The following OR5H1 variants were observed in gnomAD, a reference collection of about 807,000 sequenced individuals.
OR5H1 encodes the protein olfactory receptor 5H1.
For synonymous variants in OR5H1, 124 were observed against 134.4 expected (o/e 0.92, Z 0.54); for missense variants, 378 against 366.8 (o/e 1.03, Z -0.25).
In OR5H1 at chr3:98,135,848, A is replaced by ACTT. The variant is rs1708312688; in HGVS notation, c.*2210_*2212dup. 6.6e-6 allele frequency: 1 copy of ACTT among 152,242 alleles called. No homozygotes were observed. Among genetic ancestry groups the ACTT allele is most frequent in the South Asian group, 2.1e-4 (1 of 4,830 alleles). The allele number at this position is 152,242 out of a possible 1,614,324, so 9.4% of individuals were successfully genotyped here. ...AGCCAGAGGGCAGTTAGTTGAGAAGACTTTTAGATTTAAGCTCAAAGCATC... is the reference window on the plus strand; with the variant it reads ...AGCCAGAGGGCAGTTAGTTGAGAAGACTTCTTTTAGATTTAAGCTCAAAGCATC... On this transcript the variant is annotated 3_prime_UTR_variant, in exon 2 of 2. Coordinates refer to ENST00000641874, the MANE Select transcript of OR5H1 (RefSeq NM_001005338.2).
Position 98,138,228 on chromosome 3 carries a change from G to A in OR5H1, c.*4589G>A, listed in dbSNP as rs966419920. The A allele has an allele frequency of 1.3e-5, 2 of 152,194 alleles. No individual in the cohort carries two copies. Among genetic ancestry groups the A allele is most frequent in the Non-Finnish European group, 2.9e-5 (2 of 68,036 alleles). 9.4% of individuals were successfully genotyped at this position (152,194 alleles called of 1,614,324 possible). A position where few individuals can be genotyped will look rare whatever the true frequency, so the allele number is the denominator to read the frequency against. ...GTACGTGACAGGGGCTGCGAGCACC[G>A]GTGGTCAGAGTGAAACAGAACAGAA... On this transcript the variant is annotated 3_prime_UTR_variant, in exon 2 of 2. Transcript: ENST00000641874.
rs1328068502 is a variant in OR5H1, at chr3:98,133,088, C to T, written c.391C>T (p.Leu131Phe). The T allele has an allele frequency of 1.2e-6, 2 of 1,613,576 alleles. No individual in the cohort carries two copies. Among genetic ancestry groups the T allele is most frequent in the Admixed American group, 1.7e-5 (1 of 59,970 alleles). Residue 131 changes from leucine to phenylalanine, a missense_variant, in exon 2 of 2, where the codon CTT (leucine) becomes TTT (phenylalanine). Physicochemically the swap from Leu to Phe is conservative, Grantham distance 22. Transcript: ENST00000641874. ...CTATGTAGCCATATGCAAACCTTTA[C>T]TTTATCCAGCCATTATGACCAATGG... ...DRYVAICKPLLYPAIMTNGLC... is the reference protein window; with the variant it reads ...DRYVAICKPLFYPAIMTNGLC...
At position 98,134,403 on chromosome 3, in the gene OR5H1, G is replaced by A. The variant is rs544341878; in HGVS notation, c.*764G>A. On this transcript the variant is annotated 3_prime_UTR_variant, in exon 2 of 2. Transcript: ENST00000641874. Reference sequence around the variant, plus strand: ...CTGCATTTGGAGTAGACATAGAGAAGAAATAAGTATCATAAAAGAAAGAAA... The same window carrying A: ...CTGCATTTGGAGTAGACATAGAGAAAAAATAAGTATCATAAAAGAAAGAAA... 1 of 152,158 alleles carries A rather than the reference G, an allele frequency of 6.6e-6. No individual in the cohort carries two copies. Among genetic ancestry groups the A allele is most frequent in the Middle Eastern group, 3.4e-3 (1 of 294 alleles). 9.4% of individuals were successfully genotyped at this position (152,158 alleles called of 1,614,324 possible).
At position 98,134,403 on chromosome 3, in the gene OR5H1, G is replaced by T. The variant is rs544341878; in HGVS notation, c.*764G>T. 6.6e-6 allele frequency: 1 copy of T among 152,040 alleles called. No individual in the cohort carries two copies. The highest frequency in any genetic ancestry group is 1.5e-5 in the Non-Finnish European group (1 of 67,974). The allele number at this position is 152,040 out of a possible 1,614,324, so 9.4% of individuals were successfully genotyped here. ...CTGCATTTGGAGTAGACATAGAGAAGAAATAAGTATCATAAAAGAAAGAAA... is the reference window on the plus strand; with the variant it reads ...CTGCATTTGGAGTAGACATAGAGAATAAATAAGTATCATAAAAGAAAGAAA... On this transcript the variant is annotated 3_prime_UTR_variant, in exon 2 of 2. Transcript: ENST00000641874.
rs976220052 is a variant in OR5H1 at position 98,136,999 on chromosome 3, T to C, written c.*3360T>C. 1 of 152,216 alleles carries C rather than the reference T, an allele frequency of 6.6e-6. No individual in the cohort carries two copies. Among genetic ancestry groups the C allele is most frequent in the African/African-American group, 2.4e-5 (1 of 41,456 alleles). The allele number at this position is 152,216 out of a possible 1,614,324, so 9.4% of individuals were successfully genotyped here. ...ATGAGGCAGGGCTTAATTGGATGCA[T>C]AAAGTCAATTCTTAGTTTCTTAAAA... On this transcript the variant is annotated 3_prime_UTR_variant, in exon 2 of 2. Coordinates refer to ENST00000641874, the MANE Select transcript of OR5H1 (RefSeq NM_001005338.2).
In OR5H1 at chr3:98,132,873, T is replaced by C. The variant is rs1383343292; in HGVS notation, c.176T>C (p.Met59Thr). 3 of 1,613,520 alleles carry C rather than the reference T, an allele frequency of 1.9e-6. No homozygotes were observed. The African/African-American group carries it at 4.0e-5, about 22-fold the overall frequency. Residue 59 changes from methionine to threonine, a missense_variant, in exon 2 of 2, where the codon ATG becomes ACG. By Grantham distance (81) the Met-to-Thr change is moderately conservative. Coordinates refer to ENST00000641874, the MANE Select transcript of OR5H1 (RefSeq NM_001005338.2). The stretch of plus-strand genomic sequence containing the variant: ...AAAGACCCTCACCTTCATATCCCAA[T>C]GTACTTACTCCTTGGGAATTTAGCT... ...IWKDPHLHIPMYLLLGNLAFV... is the reference protein window; with the variant it reads ...IWKDPHLHIPTYLLLGNLAFV...
In OR5H1 at chr3:98,135,432, G is replaced by A. The variant is rs1035619440; in HGVS notation, c.*1793G>A. 1.3e-5 allele frequency: 2 copies of A among 152,080 alleles called. No individual in the cohort carries two copies. Among genetic ancestry groups the A allele is most frequent in the Non-Finnish European group, 2.9e-5 (2 of 68,020 alleles). 9.4% of individuals were successfully genotyped at this position (152,080 alleles called of 1,614,324 possible). A position where few individuals can be genotyped will look rare whatever the true frequency, so the allele number is the denominator to read the frequency against. On this transcript the variant is annotated 3_prime_UTR_variant, in exon 2 of 2. Coordinates refer to ENST00000641874, the MANE Select transcript of OR5H1 (RefSeq NM_001005338.2). Reference sequence around the variant, plus strand: ...TTATTTAATTATTTTAACTCATTATGGTCAGCCTCTCATTATGGGATATTG... The same window carrying A: ...TTATTTAATTATTTTAACTCATTATAGTCAGCCTCTCATTATGGGATATTG...
rs746877346 is a variant in OR5H1, at chr3:98,138,435, GTATAAAACAA to G, written c.*4810_*4819del. 3 of 152,092 alleles carry G rather than the reference GTATAAAACAA, an allele frequency of 2.0e-5. No individual in the cohort carries two copies. The highest frequency in any genetic ancestry group is 1.9e-4 in the East Asian group (1 of 5,184). 9.4% of individuals were successfully genotyped at this position (152,092 alleles called of 1,614,324 possible). Reference sequence around the variant, plus strand: ...GTTTCACTTCTCTTTCCTTTTCTGAGTATAAAACAATATAAAACAATATGAGAGGGTCTCT... The same window carrying G: ...GTTTCACTTCTCTTTCCTTTTCTGAGTATAAAACAATATGAGAGGGTCTCT... On this transcript the variant is annotated 3_prime_UTR_variant, in exon 2 of 2. Coordinates refer to ENST00000641874, the MANE Select transcript of OR5H1 (RefSeq NM_001005338.2).
At chr3:98,131,690 T>G (rs1176945582) in intron 1 of OR5H1, among the ~76,000 whole-genome samples, 1 of 152,158 alleles carries the variant, frequency 6.6e-6, no homozygotes, top group East Asian at 1.9e-4. Flanking sequence ...TGCCTTTGAC[T>G]GCCTTTGACT....
In OR5H1 at chr3:98,133,000, T is replaced by C; in HGVS notation, c.303T>C (p.Phe101=). The change falls in exon 2 of 2, where the codon TTT becomes TTC. Residue 101 remains phenylalanine (F), a synonymous_variant. Transcript: ENST00000641874. ...CTCTCTCTGAATGCAAGATACAGTT[T>C]TTTTCGTTTGCAATCAGTGTAACCA... ...MISLSECKIQ[F]FSFAISVTTE... is the part of the protein sequence containing the mutation. 1 of 1,613,546 alleles carries C rather than the reference T, an allele frequency of 6.2e-7. No homozygotes were observed. The highest frequency in any genetic ancestry group is 8.5e-7 in the Non-Finnish European group (1 of 1,179,620).
Position 98,132,817 on chromosome 3 carries a change from G to T in OR5H1, c.120G>T (p.Met40Ile), listed in dbSNP as rs200721525. 7.4e-6 allele frequency: 12 copies of T among 1,613,448 alleles called. No individual in the cohort carries two copies. The highest frequency in any genetic ancestry group is 8.5e-6 in the Non-Finnish European group (10 of 1,179,572). The part of the protein sequence containing the change: ...AFLVIYLITI[M>I]GNLGLIAVIW... ...TGGTAATATATCTCATCACCATCATGGGGAATCTTGGTCTGATTGCTGTCA... is the reference window on the plus strand; with the variant it reads ...TGGTAATATATCTCATCACCATCATTGGGAATCTTGGTCTGATTGCTGTCA... The change falls in exon 2 of 2, where the codon ATG becomes ATT. Residue 40 changes from methionine (M) to isoleucine (I), a missense_variant. By Grantham distance (10) the Met-to-Ile change is conservative. Transcript: ENST00000641874.
intron 1 of OR5H1, among the ~76,000 whole-genome samples, 191 bp downstream of exon 1, chr3:98,131,041 G>T (rs1708250432): frequency 6.6e-6 from 1 of 151,880 alleles, no homozygotes; most frequent in Non-Finnish European, 1.5e-5. Context: ...TTATAAGACT[G>T]AATTTTTCCT....
chr3:98,134,166 A>G lies in OR5H1; in HGVS notation c.*527A>G, dbSNP rs1467921376. The stretch of plus-strand genomic sequence containing the variant: ...GTCAGACAGAAATGGAAATGCAATG[A>G]GAAAAATAAAAATAGAAGGAATGAA... On this transcript the variant is annotated 3_prime_UTR_variant, in exon 2 of 2. Coordinates refer to ENST00000641874, the MANE Select transcript of OR5H1 (RefSeq NM_001005338.2). 1 of 158,412 alleles carries G rather than the reference A, an allele frequency of 6.3e-6. No individual in the cohort carries two copies. Among genetic ancestry groups the G allele is most frequent in the Non-Finnish European group, 1.4e-5 (1 of 72,130 alleles). The allele number at this position is 158,412 out of a possible 1,614,324, so 9.8% of individuals were successfully genotyped here.
At position 98,132,875 on chromosome 3, in the gene OR5H1, T is replaced by A. The variant is rs774842103; in HGVS notation, c.178T>A (p.Tyr60Asn). The A allele has an allele frequency of 7.4e-6, 12 of 1,613,514 alleles. No individual in the cohort carries two copies. The Admixed American group carries it at 2.0e-4, about 27-fold the overall frequency. The change falls in exon 2 of 2, where the codon TAC (tyrosine) becomes AAC (asparagine). Residue 60 changes from tyrosine to asparagine, a missense_variant. Transcript: ENST00000641874. Reference sequence around the variant, plus strand: ...AGACCCTCACCTTCATATCCCAATGTACTTACTCCTTGGGAATTTAGCTTT... The same window carrying A: ...AGACCCTCACCTTCATATCCCAATGAACTTACTCCTTGGGAATTTAGCTTT... ...WKDPHLHIPMYLLLGNLAFVD... is the reference protein window; with the variant it reads ...WKDPHLHIPMNLLLGNLAFVD...
Position 98,132,796 on chromosome 3 carries a change from A to T in OR5H1, c.99A>T (p.Val33=), listed in dbSNP as rs1708270173. The change falls in exon 2 of 2, where the codon GTA becomes GTT. Residue 33 remains valine, a synonymous_variant. Transcript: ENST00000641874. ...TACCCCTGTTCCTGGCATTCTTGGTAATATATCTCATCACCATCATGGGGA... is the reference window on the plus strand; with the variant it reads ...TACCCCTGTTCCTGGCATTCTTGGTTATATATCTCATCACCATCATGGGGA... ...WKIPLFLAFL[V]IYLITIMGNL... 3 of 1,613,396 alleles carry T rather than the reference A, an allele frequency of 1.9e-6. No individual in the cohort carries two copies. Among genetic ancestry groups the T allele is most frequent in the South Asian group, 2.2e-5 (2 of 91,068 alleles).
At position 98,133,770 on chromosome 3, in the gene OR5H1, T is replaced by A; in HGVS notation, c.*131T>A. 1 of 682,210 alleles carries A rather than the reference T, an allele frequency of 1.5e-6. No individual in the cohort carries two copies. Among genetic ancestry groups the A allele is most frequent in the South Asian group, 1.8e-5 (1 of 55,480 alleles). The allele number at this position is 682,210 out of a possible 1,614,324, so 42.3% of individuals were successfully genotyped here. On this transcript the variant is annotated 3_prime_UTR_variant, in exon 2 of 2. Transcript: ENST00000641874. ...TTTAGTGAGCTAATGTTTTAGTACC[T>A]AATAAACTAATCGCAATATGTCTAT...
intron 1 of OR5H1, among the ~76,000 whole-genome samples, chr3:98,132,216 C>T (rs1258977158): frequency 6.6e-6 from 1 of 151,924 alleles, no homozygotes; most frequent in Admixed American, 6.6e-5. Context: ...AGCATATTTT[C>T]TACACTATCA....
chr3:98,132,515 T>A (rs1370996892), intron 1 of OR5H1, among the ~76,000 whole-genome samples, 165 bp from the exon 2 acceptor site: 1 of 152,080 alleles, frequency 6.6e-6, no homozygotes, highest in Non-Finnish European at 1.5e-5. Flanking sequence ...ATATATCATT[T>A]TTTCATGTCT....
At position 98,133,068 on chromosome 3, in the gene OR5H1, T is replaced by A. The variant is rs148213931; in HGVS notation, c.371T>A (p.Val124Glu). 14 of 1,613,654 alleles carry A rather than the reference T, an allele frequency of 8.7e-6. No individual in the cohort carries two copies. The highest frequency in any genetic ancestry group is 3.3e-4 in the Middle Eastern group (2 of 6,054). Reference sequence around the variant, plus strand: ...GCAACGATGGCATATGATCGCTATGTAGCCATATGCAAACCTTTACTTTAT... The same window carrying A: ...GCAACGATGGCATATGATCGCTATGAAGCCATATGCAAACCTTTACTTTAT... Reference protein sequence around the residue: ...LLATMAYDRYVAICKPLLYPA... With the variant: ...LLATMAYDRYEAICKPLLYPA... Residue 124 changes from valine to glutamate, a missense_variant, in exon 2 of 2, where the codon GTA (valine) becomes GAA (glutamate). Physicochemically the swap from Val to Glu is moderately radical, Grantham distance 121. Coordinates refer to ENST00000641874, the MANE Select transcript of OR5H1 (RefSeq NM_001005338.2).
Sources: gnomAD v4.1 joint callset for allele counts (sites outside exome capture counted in the v4.1 genomes callset) on GRCh38, gnomAD v4.1.1 for gene constraint, MANE v1.5 for transcripts, NCBI Gene and HGNC (gene_info 2026-07-23, HGNC 2026-07-21) for gene names.